MOGAT2: variants seen among roughly 807,000 people sequenced by gnomAD.
MOGAT2 encodes the protein 2-acylglycerol O-acyltransferase 2.
In MOGAT2, 27 loss-of-function variants were observed where a neutral mutation model predicts 31.5. That is an observed-to-expected ratio of 0.86 (90% CI 0.63 to 1.18). MOGAT2 has a LOEUF of 1.18. Among genes scored for constraint, MOGAT2 ranks in the 50% most tolerant of loss-of-function variants. The pLI, the probability that MOGAT2 is intolerant of heterozygous loss-of-function variation, is 0.00. For synonymous variants in MOGAT2, 163 were observed against 170.0 expected, an observed-to-expected ratio of 0.96 and a Z score of 0.32; for missense variants, 436 against 433.2, an observed-to-expected ratio of 1.01 and a Z score of -0.06.
chr11:75,728,980 A>G lies in MOGAT2; in HGVS notation c.841A>G (p.Thr281Ala). Residue 281 changes from threonine to alanine, a missense_variant, in exon 5 of 6, where the codon ACC becomes GCC. Coordinates refer to ENST00000198801, the MANE Select transcript of MOGAT2 (RefSeq NM_025098.4). ...TTTAATACCCTACCGCCGGCCCATC[A>G]CCACTGTGGGTAAGTCCAGGACCAG... is the stretch of plus-strand genomic sequence containing the variant. ...FGLIPYRRPI[T>A]TVVGKPIEVQ... 1 of 1,613,648 alleles carries G rather than the reference A, an allele frequency of 6.2e-7. No homozygotes were observed. Among genetic ancestry groups the G allele is most frequent in the Non-Finnish European group, 8.5e-7 (1 of 1,180,022 alleles).
intron 4 of MOGAT2, 63 bp from the exon 5 acceptor site, chr11:75,728,708 CCCTGCAGGAAGCTAAAGGG>C: frequency 8.2e-7 from 1 of 1,222,732 alleles, no homozygotes; most frequent in Admixed American, 1.7e-5. Context: ...GTCACTGAGT[CCCTGCAGGAAGCTAAAGGG>C]CCTTTCAGCT....
chr11:75,730,710 A>T (rs373120416), intron 5 of MOGAT2, among the ~76,000 whole-genome samples: 28 of 152,240 alleles, frequency 1.8e-4, no homozygotes, highest in African/African-American at 6.7e-4. Context: ...GGAATTCAAG[A>T]CCAGCCTGTC....
chr11:75,720,892 G>C (rs906224685), intron 2 of MOGAT2, among the ~76,000 whole-genome samples: 2 of 152,186 alleles, frequency 1.3e-5, no homozygotes, highest in Admixed American at 6.5e-5. Context: ...GTCCAGAGCA[G>C]AGCAGATCCC....
intron 1 of MOGAT2, among the ~76,000 whole-genome samples, chr11:75,718,361 G>A (rs1046777624): frequency 6.6e-6 from 1 of 152,190 alleles, no homozygotes; most frequent in Non-Finnish European, 1.5e-5. Flanking sequence ...GTGCGCTCAG[G>A]GAGGAGGAAA....
At chr11:75,725,798 G>T (rs1027247386) in intron 2 of MOGAT2, among the ~76,000 whole-genome samples, 1 of 152,214 alleles carries the variant, frequency 6.6e-6, no homozygotes, top group Admixed American at 6.5e-5. Flanking sequence ...AGAGGGGAAA[G>T]GCTGGCCTCT....
At chr11:75,725,374 CT>C (rs1944412507) in intron 2 of MOGAT2, among the ~76,000 whole-genome samples, 1 of 151,900 alleles carries the variant, frequency 6.6e-6, no homozygotes, top group Non-Finnish European at 1.5e-5. Context: ...GTGAAACACC[CT>C]GTCTCTACTA....
chr11:75,724,935 C>T (rs929279900), intron 2 of MOGAT2, among the ~76,000 whole-genome samples: 38 of 152,172 alleles, frequency 2.5e-4, no homozygotes, highest in African/African-American at 8.0e-4. Context: ...GGTGACACAA[C>T]GGTCCATTGT....
intron 2 of MOGAT2, among the ~76,000 whole-genome samples, chr11:75,721,552 G>T (rs1344066605): frequency 6.6e-6 from 1 of 152,088 alleles, no homozygotes; most frequent in African/African-American, 2.4e-5. Context: ...CAAAGTGCTG[G>T]GATTACAGGT....
intron 2 of MOGAT2, among the ~76,000 whole-genome samples, chr11:75,725,231 C>T (rs929334904): frequency 6.6e-6 from 1 of 152,114 alleles, no homozygotes; most frequent in African/African-American, 2.4e-5. Flanking sequence ...GCAAGTGTTT[C>T]CATGCATTGA....
chr11:75,720,113 C>T lies in MOGAT2; in HGVS notation c.213C>T (p.Ile71=), dbSNP rs1302176443. The T allele has an allele frequency of 1.2e-6, 2 of 1,614,038 alleles. No individual in the cohort carries two copies. The highest frequency in any genetic ancestry group is 1.7e-6 in the Non-Finnish European group (2 of 1,180,032). ...AGCCACGGCAGGGGGGCCGGCACAT[C>T]CAGGCCATCAGGTGCTGGACTATAT... ...RDKPRQGGRH[I]QAIRCWTIWK... The change falls in exon 2 of 6, where the codon ATC becomes ATT. Residue 71 remains isoleucine, a synonymous_variant. Coordinates refer to ENST00000198801, the MANE Select transcript of MOGAT2 (RefSeq NM_025098.4).
chr11:75,721,816 C>A (rs914209335), intron 2 of MOGAT2, among the ~76,000 whole-genome samples: 2 of 152,148 alleles, frequency 1.3e-5, no homozygotes, highest in Non-Finnish European at 2.9e-5. Flanking sequence ...GTAGAGGAAA[C>A]AAACCCACCA....
intron 2 of MOGAT2, among the ~76,000 whole-genome samples, chr11:75,724,380 C>T (rs543886): frequency 0.21 from 31,390 of 152,152 alleles, 3,372 homozygotes; most frequent in Middle Eastern, 0.24. Context: ...AAGAGGTTAG[C>T]ACAGAAAGAT....
rs771070357 is a variant in MOGAT2, at chr11:75,728,143, G to T, written c.649G>T (p.Gly217Trp). ...CTTCGTCAGGCTCGCCCTGACACAC[G>T]GGTATCAAGCCTCTGGGAAGAGCAC... ...KGFVRLALTH[G>W]APLVPIFSFG... Residue 217 changes from glycine (G) to tryptophan (W), a missense_variant and splice_region_variant, in exon 4 of 6, where the codon GGG becomes TGG. Physicochemically the swap from Gly to Trp is radical, Grantham distance 184 (BLOSUM62 -2). Coordinates refer to ENST00000198801, the MANE Select transcript of MOGAT2 (RefSeq NM_025098.4). 2 of 1,612,376 alleles carry T rather than the reference G, an allele frequency of 1.2e-6. No homozygotes were observed. Among genetic ancestry groups the T allele is most frequent in the South Asian group, 1.1e-5 (1 of 90,796 alleles).
At chr11:75,721,856 A>C in intron 2 of MOGAT2, among the ~76,000 whole-genome samples, 1 of 152,164 alleles carries the variant, frequency 6.6e-6, no homozygotes, top group Non-Finnish European at 1.5e-5. Flanking sequence ...AATTATGGGA[A>C]CGCAGGGTGG....
At chr11:75,722,946 T>A (rs1211261983) in intron 2 of MOGAT2, among the ~76,000 whole-genome samples, 1 of 152,190 alleles carries the variant, frequency 6.6e-6, no homozygotes, top group East Asian at 1.9e-4. Context: ...CATCTTTTTG[T>A]TTCTTTGTTT....
intron 2 of MOGAT2, among the ~76,000 whole-genome samples, chr11:75,723,403 G>T (rs923902211): frequency 2.0e-5 from 3 of 152,084 alleles, no homozygotes; most frequent in Non-Finnish European, 4.4e-5. Context: ...CTGGGCCTGT[G>T]GGGTGGGGCT....
intron 4 of MOGAT2, 168 bp downstream of exon 4, chr11:75,728,312 A>C: frequency 1.2e-6 from 1 of 808,272 alleles, no homozygotes; most frequent in Non-Finnish European, 2.1e-6. Context: ...TACCTAGAAA[A>C]GTTTCCACAA....
intron 2 of MOGAT2, among the ~76,000 whole-genome samples, chr11:75,723,979 G>T (rs944706169): frequency 4.6e-5 from 7 of 152,092 alleles, no homozygotes; most frequent in Non-Finnish European, 7.4e-5. Context: ...CCTCTTCTTT[G>T]TTTACCCCCC....
intron 5 of MOGAT2, among the ~76,000 whole-genome samples, chr11:75,730,371 A>T (rs1304764169): frequency 6.6e-6 from 1 of 152,122 alleles, no homozygotes; most frequent in African/African-American, 2.4e-5. Context: ...CCCATCTTAG[A>T]AATATAGCCG....
Sources: allele counts gnomAD v4.1 joint callset (sites outside exome capture counted in the v4.1 genomes callset), GRCh38; gene constraint gnomAD v4.1.1; transcripts MANE v1.5; gene names NCBI Gene and HGNC (gene_info 2026-07-23, HGNC 2026-07-21).